The following IQGAP2 variants were observed in gnomAD, a reference collection of about 807,000 sequenced individuals.
IQGAP2 encodes IQ motif containing GTPase activating protein 2, also known as ras GTPase-activating-like protein IQGAP2.
A neutral mutation model predicts 201.3 loss-of-function variants in IQGAP2; 173 were observed. The ratio of observed to expected loss-of-function variants is 0.86; its 90% CI spans 0.76 to 0.98. IQGAP2 has a LOEUF of 0.98. Ranked by LOEUF, IQGAP2 falls within the 50% of genes least tolerant of loss-of-function variation. IQGAP2 has a pLI of 0.00. For missense variants in IQGAP2, 1,687 were observed against 1,864.8 expected (o/e 0.90, Z 1.76); for synonymous variants, 675 against 673.9 (o/e 1.00, Z -0.03).
chr5:76,439,039 C>T (rs539361648), intron 1 of IQGAP2, among the ~76,000 whole-genome samples: 1 of 90,898 alleles, frequency 1.1e-5, no homozygotes, highest in East Asian at 2.3e-4. Context: ...ATCCCAGAGG[C>T]TTTGATAACT....
rs1744636296 is a variant in IQGAP2, at chr5:76,674,523, T to C, written c.3341T>C (p.Val1114Ala). Reference sequence around the variant, plus strand: ...TATCGGTACATGAATCCAGCCATTGTAGCTCCAGATGGCTTTGATATCATC... The same window carrying C: ...TATCGGTACATGAATCCAGCCATTGCAGCTCCAGATGGCTTTGATATCATC... ...LYYRYMNPAI[V>A]APDGFDIIDM... Residue 1114 changes from valine (V) to alanine (A), a missense_variant, in exon 27 of 36, where the codon GTA becomes GCA. Coordinates refer to ENST00000274364, the MANE Select transcript of IQGAP2 (RefSeq NM_006633.5). 6.2e-7 allele frequency: 1 copy of C among 1,613,916 alleles called. No individual in the cohort carries two copies. Among genetic ancestry groups the C allele is most frequent in the Admixed American group, 1.7e-5 (1 of 60,004 alleles).
At chr5:76,417,972 G>C (rs942266256) in intron 1 of IQGAP2, among the ~76,000 whole-genome samples, 1 of 151,492 alleles carries the variant, frequency 6.6e-6, no homozygotes, top group African/African-American at 2.4e-5. Flanking sequence ...ACTTTGGGAG[G>C]CCGAGGCAGG....
intron 13 of IQGAP2, chr5:76,617,684 G>T: frequency 6.2e-7 from 1 of 1,614,032 alleles, no homozygotes; most frequent in Non-Finnish European, 8.5e-7. Context: ...ACAAAGCTAT[G>T]AGATATATAA....
At chr5:76,510,697 T>A (rs1305756688) in intron 2 of IQGAP2, 1 of 535,044 alleles carries the variant, frequency 1.9e-6, no homozygotes, top group Non-Finnish European at 3.8e-6. Context: ...GCAGCCAGAC[T>A]GCCAAGCTTG....
At position 76,590,476 on chromosome 5, in the gene IQGAP2, C is replaced by G. The variant is rs1561489113; in HGVS notation, c.709C>G (p.Leu237Val). 2 of 1,613,842 alleles carry G rather than the reference C, an allele frequency of 1.2e-6. No homozygotes were observed. The highest frequency in any genetic ancestry group is 2.2e-5 in the South Asian group (2 of 91,042). ...AATAGCAGAGCAAACCGTTGTAACA[C>G]TAAGAAACCCAAATGCGGTTTTAAC... Reference protein sequence around the residue: ...KGIAEQTVVTLRNPNAVLTLV... With the variant: ...KGIAEQTVVTVRNPNAVLTLV... The change falls in exon 8 of 36, where the codon CTA becomes GTA. Residue 237 changes from leucine to valine, a missense_variant. Leu to Val is a conservative substitution (Grantham distance 32). Coordinates refer to ENST00000274364, the MANE Select transcript of IQGAP2 (RefSeq NM_006633.5).
chr5:76,593,883 TGTTACTA>T, intron 9 of IQGAP2, among the ~76,000 whole-genome samples: 1 of 152,176 alleles, frequency 6.6e-6, no homozygotes, highest in Non-Finnish European at 1.5e-5. Flanking sequence ...ACACCCACGG[TGTTACTA>T]AGAAGTCTGC....
At chr5:76,698,688 C>T (rs1176872591) in intron 33 of IQGAP2, among the ~76,000 whole-genome samples, 1 of 152,034 alleles carries the variant, frequency 6.6e-6, no homozygotes, top group East Asian at 1.9e-4. Context: ...AATGAATATC[C>T]TTTGCTTAGT....
chr5:76,536,779 T>A (rs965075297), intron 2 of IQGAP2, among the ~76,000 whole-genome samples: 7 of 150,786 alleles, frequency 4.6e-5, no homozygotes, highest in South Asian at 2.1e-4. Flanking sequence ...AAAAAAAAAA[T>A]TTGGTAAGAC....
intron 2 of IQGAP2, among the ~76,000 whole-genome samples, chr5:76,515,872 C>CTTTTTT (rs71604295): frequency 3.9e-5 from 4 of 102,728 alleles, no homozygotes; most frequent in African/African-American, 7.9e-5. Flanking sequence ...AGGGGGTGAT[C>CTTTTTT]TTTTTTTTTT....
intron 13 of IQGAP2, chr5:76,623,296 C>T: frequency 1.9e-6 from 3 of 1,570,110 alleles, no homozygotes; most frequent in Non-Finnish European, 2.6e-6. Context: ...CACAATTTCA[C>T]CTCAGTTCCA....
intron 24 of IQGAP2, among the ~76,000 whole-genome samples, chr5:76,672,484 G>A (rs141705374): frequency 2.6e-5 from 4 of 152,236 alleles, no homozygotes; most frequent in Non-Finnish European, 5.9e-5. Context: ...AGTACTGTTT[G>A]TAATAATAAA....
chr5:76,507,379 G>A (rs1757665720), intron 2 of IQGAP2, among the ~76,000 whole-genome samples: 1 of 151,738 alleles, frequency 6.6e-6, no homozygotes, highest in African/African-American at 2.4e-5. Flanking sequence ...AAATGAACAA[G>A]ACCTGAATGT....
chr5:76,488,430 CT>C (rs1429754535), intron 2 of IQGAP2, among the ~76,000 whole-genome samples: 1 of 152,052 alleles, frequency 6.6e-6, no homozygotes, highest in Non-Finnish European at 1.5e-5. Context: ...GAATGCCTAT[CT>C]TTTAAGATTG....
intron 2 of IQGAP2, among the ~76,000 whole-genome samples, chr5:76,471,961 T>C (rs1201483719): frequency 6.6e-6 from 1 of 152,260 alleles, no homozygotes; most frequent in Non-Finnish European, 1.5e-5. Context: ...TAACTCTCCA[T>C]TTCTCCCTTC....
chr5:76,501,335 G>C (rs142839619), intron 2 of IQGAP2, among the ~76,000 whole-genome samples: 1 of 152,018 alleles, frequency 6.6e-6, no homozygotes, highest in Non-Finnish European at 1.5e-5. Context: ...AAGCTGAGGT[G>C]GGGGGGCATC....
chr5:76,535,735 G>T (rs1308244982), intron 2 of IQGAP2, among the ~76,000 whole-genome samples: 2 of 152,170 alleles, frequency 1.3e-5, no homozygotes, highest in Non-Finnish European at 2.9e-5. Flanking sequence ...TTGTTTGTTT[G>T]TTTGTTTAGA....
At chr5:76,514,991 G>A (rs1467859861) in intron 2 of IQGAP2, among the ~76,000 whole-genome samples, 2 of 152,218 alleles carry the variant, frequency 1.3e-5, no homozygotes, top group South Asian at 2.1e-4. Flanking sequence ...TGCAATAGCT[G>A]ATATGTTTCT....
At chr5:76,451,158 GGGT>G in intron 1 of IQGAP2, among the ~76,000 whole-genome samples, 1 of 152,180 alleles carries the variant, frequency 6.6e-6, no homozygotes, top group East Asian at 1.9e-4. Context: ...TGGCATATTG[GGGT>G]GACTTTCTGG....
intron 1 of IQGAP2, among the ~76,000 whole-genome samples, chr5:76,451,488 G>A (rs1017088597): frequency 3.3e-5 from 5 of 152,072 alleles, no homozygotes; most frequent in African/African-American, 4.8e-5. Context: ...TCTTTAGGCC[G>A]TTGGGCCTTC....
Sources: gnomAD v4.1 joint callset for allele counts (sites outside exome capture counted in the v4.1 genomes callset) on GRCh38, gnomAD v4.1.1 for gene constraint, MANE v1.5 for transcripts, NCBI Gene and HGNC (gene_info 2026-07-23, HGNC 2026-07-21) for gene names.